The following JAKMIP3 variants were observed in gnomAD, a reference collection of about 807,000 sequenced individuals.
JAKMIP3 encodes janus kinase and microtubule-interacting protein 3.
JAKMIP3 carries 58 observed loss-of-function variants against 118.5 expected under a neutral mutation model. That is an observed-to-expected ratio of 0.49 (90% CI 0.40 to 0.61). JAKMIP3 has a LOEUF of 0.61. JAKMIP3 is among the 20% of genes least tolerant of loss of function. The pLI is 0.00. For missense variants in JAKMIP3, 950 were observed against 1,109.0 expected (o/e 0.86, Z 2.04); for synonymous variants, 486 against 451.2 (o/e 1.08, Z -0.98).
At chr10:132,110,468 C>T (rs964004383) in intron 2 of JAKMIP3, among the ~76,000 whole-genome samples, 1 of 152,244 alleles carries the variant, frequency 6.6e-6, no homozygotes, top group African/African-American at 2.4e-5. Context: ...TTACATTGAA[C>T]AGCCGAGGGA....
chr10:132,120,973 G>A (rs1330350096), intron 3 of JAKMIP3, among the ~76,000 whole-genome samples: 1 of 152,234 alleles, frequency 6.6e-6, no homozygotes, highest in African/African-American at 2.4e-5. Context: ...TGTCCAGCCT[G>A]GGCATGAGAG....
At chr10:132,048,208 G>A (rs2037982923) in intron 1 of JAKMIP3, among the ~76,000 whole-genome samples, 1 of 152,208 alleles carries the variant, frequency 6.6e-6, no homozygotes, top group Non-Finnish European at 1.5e-5. Context: ...TCGGGGAAGG[G>A]GCTTCCTTTT....
chr10:132,163,309 A>G lies in JAKMIP3; in HGVS notation c.2321A>G (p.Lys774Arg). The change falls in exon 20 of 24, where the codon AAG becomes AGG. Residue 774 changes from lysine (K) to arginine (R), a missense_variant. Transcript: ENST00000684848. ...LLSEEEREKL[K>R]VAVEQWKRQV... is the part of the protein sequence containing the mutation. Reference sequence around the variant, plus strand: ...TCAGAGGAGGAGCGCGAGAAGCTCAAGGTGGCCGTGGAGCAGTGGAAGCGC... The same window carrying G: ...TCAGAGGAGGAGCGCGAGAAGCTCAGGGTGGCCGTGGAGCAGTGGAAGCGC... The G allele has an allele frequency of 6.2e-7, 1 of 1,608,346 alleles. No homozygotes were observed. The highest frequency in any genetic ancestry group is 1.1e-5 in the South Asian group (1 of 89,786).
At chr10:132,041,640 C>T (rs777477247) in intron 1 of JAKMIP3, among the ~76,000 whole-genome samples, 5 of 152,340 alleles carry the variant, frequency 3.3e-5, no homozygotes, top group Admixed American at 6.5e-5. Context: ...TTGAGCACCA[C>T]GGTCAGGAAA....
At chr10:132,174,755 G>A (rs879270963) in intron 23 of JAKMIP3, among the ~76,000 whole-genome samples, 4 of 152,096 alleles carry the variant, frequency 2.6e-5, no homozygotes, top group South Asian at 4.1e-4. Flanking sequence ...TGCCCCACAC[G>A]CAACGTCTTC....
intron 1 of JAKMIP3, among the ~76,000 whole-genome samples, chr10:132,074,337 C>T (rs1163108544): frequency 6.6e-6 from 1 of 152,214 alleles, no homozygotes; most frequent in African/African-American, 2.4e-5. Context: ...CAGGTGTGGG[C>T]CATGGCACCT....
rs2046998234 is a variant in JAKMIP3 at position 132,112,334 on chromosome 10, G to A, written c.136-4743G>A. Reference sequence around the variant, plus strand: ...TGCTGCCCAGAGAACAGTGCGAGGGGAGACGGGGCTGGGACCTGCCCTGGG... The same window carrying A: ...TGCTGCCCAGAGAACAGTGCGAGGGAAGACGGGGCTGGGACCTGCCCTGGG... On this transcript the variant is annotated intron_variant, in intron 2 of 23. Coordinates refer to ENST00000684848, the MANE Select transcript of JAKMIP3 (RefSeq NM_001323087.2). This position sits in a 1 kb window ranked among gnomAD's most constrained non-coding sequence, Gnocchi z 4.3. Among the ~76,000 whole-genome samples, 1 of 152,146 alleles carries A rather than the reference G, an allele frequency of 6.6e-6. No homozygotes were observed. Among genetic ancestry groups the A allele is most frequent in the Admixed American group, 6.5e-5 (1 of 15,278 alleles).
At chr10:132,092,093 C>A (rs562178363) in intron 1 of JAKMIP3, among the ~76,000 whole-genome samples, 157 of 152,132 alleles carry the variant, frequency 1.0e-3, no homozygotes, top group African/African-American at 3.6e-3. Context: ...TGAATACTGG[C>A]CCCCACTCTC....
Position 132,179,722 on chromosome 10 carries a change from G to C in JAKMIP3, c.*1104-2635G>C, listed in dbSNP as rs1026322596. Among the ~76,000 whole-genome samples, 2 of 150,516 alleles carry C rather than the reference G, an allele frequency of 1.3e-5. No individual in the cohort carries two copies. Among genetic ancestry groups the C allele is most frequent in the African/African-American group, 5.0e-5 (2 of 40,020 alleles). On this transcript the variant is annotated intron_variant, in intron 23 of 23. Coordinates refer to ENST00000684848, the MANE Select transcript of JAKMIP3 (RefSeq NM_001323087.2). This position sits in a 1 kb window ranked among gnomAD's most constrained non-coding sequence, Gnocchi z 4.3. ...ACCACAGCAGGGCCACACCACGGCA[G>C]GGTCGCACCACAGCAGGGTCACGCC...
intron 23 of JAKMIP3, among the ~76,000 whole-genome samples, chr10:132,176,970 T>C (rs1479143992): frequency 1.3e-5 from 2 of 152,146 alleles, no homozygotes; most frequent in East Asian, 1.9e-4. Flanking sequence ...TTGCTCTTTG[T>C]TTAGAATCTT....
At chr10:132,157,800 TAGTC>T (rs142836930) in intron 19 of JAKMIP3, among the ~76,000 whole-genome samples, 4,733 of 152,300 alleles carry the variant, frequency 0.031, 201 homozygotes, top group South Asian at 0.17. Context: ...TTTATTTCCT[TAGTC>T]AGAAGAATGG....
chr10:132,166,308 C>T (rs1418774136), intron 21 of JAKMIP3, among the ~76,000 whole-genome samples: 4 of 152,060 alleles, frequency 2.6e-5, no homozygotes, highest in Admixed American at 2.0e-4. Flanking sequence ...ACTGGGTGAC[C>T]GACTGAGATC....
In JAKMIP3 at chr10:132,179,034, C is replaced by T. The variant is rs1407684145; in HGVS notation, c.*1104-3323C>T. Among the ~76,000 whole-genome samples the T allele has an allele frequency of 6.6e-6, 1 of 152,228 alleles. No individual in the cohort carries two copies. The highest frequency in any genetic ancestry group is 1.5e-5 in the Non-Finnish European group (1 of 68,034). ...GCCTTCGTGCCCGTGGGGCTGGGGGCCCCGACCTGTGGAAACACCCTGTGT... is the reference window on the plus strand; with the variant it reads ...GCCTTCGTGCCCGTGGGGCTGGGGGTCCCGACCTGTGGAAACACCCTGTGT... On this transcript the variant is annotated intron_variant, in intron 23 of 23. Transcript: ENST00000684848. This position sits in a 1 kb window ranked among gnomAD's most constrained non-coding sequence, Gnocchi z 4.3.
chr10:132,152,978 G>A lies in JAKMIP3; in HGVS notation c.2028G>A (p.Gln676=), dbSNP rs2056487795. ...TGCAGAACCTGACCAATGAGGAGCAGGTGGTTGTCATACAAGCCAGGACAG... is the reference window on the plus strand; with the variant it reads ...TGCAGAACCTGACCAATGAGGAGCAAGTGGTTGTCATACAAGCCAGGACAG... The part of the protein sequence containing the change: ...NAVSNLTNEE[Q]VVVIQARTVL... Residue 676 remains glutamine, a synonymous_variant, in exon 17 of 24, where the codon CAG becomes CAA. Transcript: ENST00000684848. The A allele has an allele frequency of 6.2e-7, 1 of 1,608,442 alleles. No individual in the cohort carries two copies. The highest frequency in any genetic ancestry group is 1.7e-5 in the Admixed American group (1 of 59,358).
intron 1 of JAKMIP3, among the ~76,000 whole-genome samples, chr10:132,104,435 C>T (rs74161721): frequency 0.23 from 35,110 of 152,114 alleles, 4,679 homozygotes; most frequent in African/African-American, 0.38. Context: ...GTGTTCATCC[C>T]ATGCTGGGCG....
At chr10:132,079,563 C>G (rs183855402) in intron 1 of JAKMIP3, among the ~76,000 whole-genome samples, 1 of 152,196 alleles carries the variant, frequency 6.6e-6, no homozygotes, top group Admixed American at 6.5e-5. Flanking sequence ...ACATGGAACA[C>G]GAATATGCCA....
In JAKMIP3 at chr10:132,183,095, T is replaced by G. The variant is rs2061614889; in HGVS notation, c.*1842T>G. 1 of 152,232 alleles carries G rather than the reference T, an allele frequency of 6.6e-6. No individual in the cohort carries two copies. Among genetic ancestry groups the G allele is most frequent in the Non-Finnish European group, 1.5e-5 (1 of 68,044 alleles). The allele number at this position is 152,232 out of a possible 1,614,324, so 9.4% of individuals were successfully genotyped here. On this transcript the variant is annotated 3_prime_UTR_variant, in exon 24 of 24. Coordinates refer to ENST00000684848, the MANE Select transcript of JAKMIP3 (RefSeq NM_001323087.2). ...GTCCTCTGTGCATAGTTTTGTCTCA[T>G]TTTAACGACTGCATCTTCTTGGCAC... is the stretch of plus-strand genomic sequence containing the variant.
At chr10:132,073,527 T>G (rs2040315731) in intron 1 of JAKMIP3, among the ~76,000 whole-genome samples, 3 of 149,882 alleles carry the variant, frequency 2.0e-5, no homozygotes, top group Non-Finnish European at 3.0e-5. Flanking sequence ...GACAGGATCT[T>G]GCTCTGTTGC....
intron 3 of JAKMIP3, among the ~76,000 whole-genome samples, chr10:132,131,342 A>G (rs2050539611): frequency 6.7e-6 from 1 of 149,694 alleles, no homozygotes; most frequent in South Asian, 2.1e-4. Flanking sequence ...GAGACACAGG[A>G]CTTAACGAGT....
Sources: allele counts gnomAD v4.1 joint callset (sites outside exome capture counted in the v4.1 genomes callset), GRCh38; gene constraint gnomAD v4.1.1; non-coding constraint Gnocchi (gnomAD v3.1); transcripts MANE v1.5; gene names NCBI Gene and HGNC (gene_info 2026-07-23, HGNC 2026-07-21).